The following ATR variants were observed in gnomAD, a reference collection of about 807,000 sequenced individuals.
The protein encoded by ATR is serine/threonine-protein kinase ATR.
A neutral mutation model predicts 305.3 loss-of-function variants in ATR; 142 were observed. The ratio of observed to expected loss-of-function variants is 0.47; its 90% CI spans 0.41 to 0.53. The LOEUF is 0.53. ATR is among the 20% of genes least tolerant of loss of function. The pLI is 0.00. For missense variants in ATR, 2,135 were observed against 3,133.1 expected (o/e 0.68, Z 7.60); for synonymous variants, 1,050 against 1,068.1 (o/e 0.98, Z 0.33).
chr3:142,473,923 T>C (rs2108286997), intron 36 of ATR, among the ~76,000 whole-genome samples: 1 of 149,712 alleles, frequency 6.7e-6, no homozygotes, highest in Non-Finnish European at 1.5e-5. Flanking sequence ...TTTCTACTTC[T>C]GTGAAAAAAG....
intron 24 of ATR, 104 bp from the exon 25 acceptor site, chr3:142,515,619 C>A: frequency 8.0e-7 from 1 of 1,256,052 alleles, no homozygotes; most frequent in Non-Finnish European, 1.1e-6. Flanking sequence ...ACTGCCTTGC[C>A]TTTACTGCAA....
Position 142,466,523 on chromosome 3 carries a change from C to T in ATR, c.6698G>A (p.Ser2233Asn). ...LELCNKPVDGSSSTLSMSTHF... is the reference protein window; with the variant it reads ...LELCNKPVDGNSSTLSMSTHF... ...AGTGCTCATGCTTAATGTGGAACTA[C>T]TTCCATCAACCTGAAAAAATAAATA... The change falls in exon 40 of 47, where the codon AGT (serine) becomes AAT (asparagine). Residue 2233 changes from serine to asparagine, a missense_variant. By Grantham distance (46) the Ser-to-Asn change is conservative. Around this residue, in one of 9 missense-constraint regions of ATR, gnomAD observed 462 missense variants for 887.6 expected, o/e 0.52. Transcript: ENST00000350721. 6.2e-7 allele frequency: 1 copy of T among 1,613,190 alleles called. No individual in the cohort carries two copies. The highest frequency in any genetic ancestry group is 8.5e-7 in the Non-Finnish European group (1 of 1,179,452).
At chr3:142,542,476 CCTAAA>C (rs1318821711) in intron 17 of ATR, among the ~76,000 whole-genome samples, 184 bp downstream of exon 17, 2 of 152,154 alleles carry the variant, frequency 1.3e-5, no homozygotes, top group African/African-American at 4.8e-5. Flanking sequence ...TTCTATCCCT[CCTAAA>C]CTAAAGAAAT....
chr3:142,558,247 G>T (rs1029393157), intron 8 of ATR, among the ~76,000 whole-genome samples: 1 of 151,860 alleles, frequency 6.6e-6, no homozygotes, highest in African/African-American at 2.4e-5. Context: ...ACAAGGCCAG[G>T]CATGGTGGCT....
intron 46 of ATR, 58 bp downstream of exon 46, chr3:142,453,070 C>A: frequency 6.2e-7 from 1 of 1,609,958 alleles, no homozygotes; most frequent in Non-Finnish European, 8.5e-7. Flanking sequence ...AGCTGCATAT[C>A]AAGTTCATTT....
intron 41 of ATR, among the ~76,000 whole-genome samples, chr3:142,463,029 A>T (rs1175006655): frequency 6.6e-6 from 1 of 152,172 alleles, no homozygotes; most frequent in Admixed American, 6.5e-5. Context: ...TCACTGATCA[A>T]AAATACATTT....
At position 142,568,112 on chromosome 3, in the gene ATR, T is replaced by C. The variant is rs778499519; in HGVS notation, c.102A>G (p.Arg34=). ...GGTCAATGAATTGACACAGAATTTG[T>C]CTTGGCTTCTGTACAACTGTATTAT... ...EEYNTVVQKP[R]QILCQFIDRI... is the part of the protein sequence containing the mutation. Residue 34 remains arginine (R), a synonymous_variant, in exon 2 of 47, where the codon AGA becomes AGG. Coordinates refer to ENST00000350721, the MANE Select transcript of ATR (RefSeq NM_001184.4). The C allele has an allele frequency of 3.7e-6, 6 of 1,612,724 alleles. No homozygotes were observed. The highest frequency in any genetic ancestry group is 4.5e-5 in the East Asian group (2 of 44,782).
At chr3:142,507,056 C>T (rs2032284364) in intron 28 of ATR, among the ~76,000 whole-genome samples, 3 of 152,108 alleles carry the variant, frequency 2.0e-5, no homozygotes, top group South Asian at 2.1e-4. Flanking sequence ...TCTAAGGGAA[C>T]GATTTTAACC....
intron 1 of ATR, among the ~76,000 whole-genome samples, chr3:142,570,844 G>A (rs1334671451): frequency 6.6e-6 from 1 of 152,194 alleles, no homozygotes; most frequent in Non-Finnish European, 1.5e-5. Flanking sequence ...TGAGAATAGC[G>A]GGTTCTTTCC....
rs2035512766 is a variant in ATR, at chr3:142,578,495, C to A, written c.59+151G>T. 1.0e-5 allele frequency: 9 copies of A among 903,856 alleles called. No individual in the cohort carries two copies. In the South Asian group the frequency reaches 1.5e-4, roughly 15 times the overall value. The allele number at this position is 903,856 out of a possible 1,614,324, so 56.0% of individuals were successfully genotyped here. A position where few individuals can be genotyped will look rare whatever the true frequency, so the allele number is the denominator to read the frequency against. On this transcript the variant is annotated intron_variant, in intron 1 of 46. Transcript: ENST00000350721. ...ATCAACGGGCACTCTGAGGGAGAAGCGCCCAAATCAGCCACGGAGCATCTC... is the reference window on the plus strand; with the variant it reads ...ATCAACGGGCACTCTGAGGGAGAAGAGCCCAAATCAGCCACGGAGCATCTC...
At chr3:142,499,345 AGT>A (rs2031824295) in intron 31 of ATR, among the ~76,000 whole-genome samples, 1 of 150,818 alleles carries the variant, frequency 6.6e-6, no homozygotes, top group Non-Finnish European at 1.5e-5. Flanking sequence ...CCCAGGCTGG[AGT>A]GCAGTGGCGC....
chr3:142,538,471 A>C lies in ATR; in HGVS notation c.3725+11T>G, dbSNP rs1257258046. On this transcript the variant is annotated intron_variant, in intron 19 of 46. Transcript: ENST00000350721. ...AAGTTATTATTTTACTATTAATTTC[A>C]GTTACAATACCTGTTTTCAATTATG... is the stretch of plus-strand genomic sequence containing the variant. 6.2e-7 allele frequency: 1 copy of C among 1,607,926 alleles called. No homozygotes were observed. The highest frequency in any genetic ancestry group is 8.5e-7 in the Non-Finnish European group (1 of 1,175,094).
chr3:142,508,089 C>T lies in ATR; in HGVS notation c.4873G>A (p.Asp1625Asn), dbSNP rs1382766417. ...AGAAAACGGGTTACACTCTGATAGT[C>T]TTCATAATCCACAGTAGATACTAGA... ...DSMVSTVDYE[D>N]YQSVTRFLDL... is the part of the protein sequence containing the mutation. The change falls in exon 28 of 47, where the codon GAC becomes AAC. Residue 1625 changes from aspartate (D) to asparagine (N), a missense_variant. Asp to Asn is a conservative substitution (Grantham distance 23). Coordinates refer to ENST00000350721, the MANE Select transcript of ATR (RefSeq NM_001184.4). The T allele has an allele frequency of 6.2e-7, 1 of 1,611,832 alleles. No homozygotes were observed. The highest frequency in any genetic ancestry group is 2.2e-5 in the East Asian group (1 of 44,832).
chr3:142,571,185 C>T (rs2035246502), intron 1 of ATR, among the ~76,000 whole-genome samples: 1 of 151,726 alleles, frequency 6.6e-6, no homozygotes, highest in Admixed American at 6.6e-5. Flanking sequence ...TAATCAAAAG[C>T]GGCCGGGCAT....
At chr3:142,542,431 G>T (rs1237508670) in intron 17 of ATR, among the ~76,000 whole-genome samples, 1 of 152,128 alleles carries the variant, frequency 6.6e-6, no homozygotes, top group Non-Finnish European at 1.5e-5. Context: ...TAGTAACACA[G>T]CCACAAGTTC....
In ATR at chr3:142,568,088, G is replaced by T; in HGVS notation, c.126C>A (p.Asp42Glu). The T allele has an allele frequency of 6.2e-7, 1 of 1,611,520 alleles. No homozygotes were observed. The highest frequency in any genetic ancestry group is 1.3e-5 in the African/African-American group (1 of 74,944). The change falls in exon 2 of 47, where the codon GAC (aspartate) becomes GAA (glutamate). Residue 42 changes from aspartate to glutamate, a missense_variant. This residue lies in a region of ATR where 744 missense variants were observed against 873.2 expected (regional missense o/e 0.85). Coordinates refer to ENST00000350721, the MANE Select transcript of ATR (RefSeq NM_001184.4). The stretch of plus-strand genomic sequence containing the variant: ...CAACATTTACATCTGTAAGTATCCG[G>T]TCAATGAATTGACACAGAATTTGTC... ...KPRQILCQFI[D>E]RILTDVNVVA...
rs944334635 is a variant in ATR, at chr3:142,515,282, T to C, written c.4503+113A>G. 3 of 1,417,700 alleles carry C rather than the reference T, an allele frequency of 2.1e-6. No homozygotes were observed. In the African/African-American group the frequency reaches 4.3e-5, roughly 20 times the overall value. 87.8% of individuals were successfully genotyped at this position (1,417,700 alleles called of 1,614,324 possible). A position where few individuals can be genotyped will look rare whatever the true frequency, so the allele number is the denominator to read the frequency against. On this transcript the variant is annotated intron_variant, in intron 25 of 46. Coordinates refer to ENST00000350721, the MANE Select transcript of ATR (RefSeq NM_001184.4). The stretch of plus-strand genomic sequence containing the variant: ...TTAACATTTTCTTCAAAAATTTCTA[T>C]GATTATCAGCACAAATACTTCAATG...
In ATR at chr3:142,578,639, G is replaced by A. The variant is rs749689616; in HGVS notation, c.59+7C>T. 3.9e-5 allele frequency: 63 copies of A among 1,611,536 alleles called. 2 individuals are homozygous for A. The South Asian group carries it at 6.5e-4, about 17-fold the overall frequency. On this transcript the variant is annotated splice_region_variant and intron_variant, in intron 1 of 46. Coordinates refer to ENST00000350721, the MANE Select transcript of ATR (RefSeq NM_001184.4). The stretch of plus-strand genomic sequence containing the variant: ...GGATGCAGGACCCAGGCTGGGCCTA[G>A]CCCTACCTGCCCAGCTCCCGCAGGG...
rs2108273728 is a variant in ATR, at chr3:142,466,487, AT to A, written c.6733del (p.Met2245CysfsTer6). 6.2e-7 allele frequency: 1 copy of A among 1,613,952 alleles called. No individual in the cohort carries two copies. The highest frequency in any genetic ancestry group is 8.5e-7 in the Non-Finnish European group (1 of 1,179,908). The stretch of plus-strand genomic sequence containing the variant: ...TGCTTCTTCTACCAGCTTTTTAAGC[AT>A]TTTAAAATGAGTGCTCATGCTTAAT... ...STLSMSTHFKMLKKLVEEATF... is the reference protein window; with the variant it reads ...STLSMSTHFKXLKKLVEEATF... On this transcript the variant is annotated frameshift_variant, in exon 40 of 47. Coordinates refer to ENST00000350721, the MANE Select transcript of ATR (RefSeq NM_001184.4). LOFTEE classifies it high-confidence loss of function.
Sources: allele counts gnomAD v4.1 joint callset (sites outside exome capture counted in the v4.1 genomes callset), GRCh38; gene constraint gnomAD v4.1.1; regional missense constraint gnomAD v4.1.1; transcripts MANE v1.5; gene names NCBI Gene and HGNC (gene_info 2026-07-23, HGNC 2026-07-21).